Variants in TMPRSS15 observed in about 807,000 individuals in gnomAD.
The protein encoded by TMPRSS15 is enteropeptidase.
TMPRSS15 carries 128 observed loss-of-function variants against 125.3 expected under a neutral mutation model. That is an observed-to-expected ratio of 1.02 (90% CI 0.89 to 1.18). The LOEUF (loss-of-function observed/expected upper bound fraction) is 1.18. TMPRSS15 is among the 50% of genes most tolerant of loss of function. The pLI is 0.00. For missense variants in TMPRSS15, 1,283 were observed against 1,212.7 expected (o/e 1.06, Z -0.86); for synonymous variants, 446 against 423.2 (o/e 1.05, Z -0.66).
intron 16 of TMPRSS15, among the ~76,000 whole-genome samples, chr21:18,323,745 GA>G: frequency 6.6e-6 from 1 of 151,982 alleles, no homozygotes; most frequent in Non-Finnish European, 1.5e-5. Context: ...CAGAATTCTT[GA>G]AAAAAATTTA....
chr21:18,444,051 G>T (rs968875074), intron 1 of TMPRSS15, among the ~76,000 whole-genome samples: 4 of 152,194 alleles, frequency 2.6e-5, no homozygotes, highest in African/African-American at 9.6e-5. Flanking sequence ...CATCCGGATG[G>T]CAGGGTGGGT....
intron 1 of TMPRSS15, among the ~76,000 whole-genome samples, chr21:18,447,502 A>G (rs911988690): frequency 2.0e-5 from 3 of 151,970 alleles, no homozygotes; most frequent in Non-Finnish European, 4.4e-5. Flanking sequence ...GGTCAACATA[A>G]CTAAATGATA....
chr21:18,417,232 CCAT>C (rs2076182530), intron 1 of TMPRSS15, among the ~76,000 whole-genome samples: 1 of 151,962 alleles, frequency 6.6e-6, no homozygotes. Flanking sequence ...ATAAAAAGAG[CCAT>C]GTTTTTACAA....
chr21:18,410,435 G>C (rs2076163245), intron 1 of TMPRSS15, among the ~76,000 whole-genome samples: 1 of 152,032 alleles, frequency 6.6e-6, no homozygotes, highest in South Asian at 2.1e-4. Context: ...CTGATCCCTA[G>C]GGTTTGCTAG....
chr21:18,401,008 G>A (rs1317550999), intron 1 of TMPRSS15, among the ~76,000 whole-genome samples: 1 of 152,118 alleles, frequency 6.6e-6, no homozygotes, highest in Non-Finnish European at 1.5e-5. Flanking sequence ...CCAGAGAAAT[G>A]TAAATCAAAA....
intron 3 of TMPRSS15, among the ~76,000 whole-genome samples, chr21:18,396,342 C>T (rs2076035548): frequency 6.6e-6 from 1 of 152,118 alleles, no homozygotes; most frequent in African/African-American, 2.4e-5. Context: ...AACAACAAAA[C>T]TCCATTCAAA....
At chr21:18,463,623 C>G (rs1376676453) in intron 1 of TMPRSS15, among the ~76,000 whole-genome samples, 1 of 152,100 alleles carries the variant, frequency 6.6e-6, no homozygotes, top group Non-Finnish European at 1.5e-5. Flanking sequence ...CAGAACTCTC[C>G]ACCCCAAATC....
chr21:18,332,408 A>G (rs573569688), intron 13 of TMPRSS15, among the ~76,000 whole-genome samples: 1 of 152,122 alleles, frequency 6.6e-6, no homozygotes, highest in African/African-American at 2.4e-5. Context: ...TGTTGGCCGC[A>G]TGTATGTCAC....
rs367789736 is a variant in TMPRSS15, at chr21:18,467,473, A to C, written c.10+18326T>G. Among the ~76,000 whole-genome samples the C allele has an allele frequency of 7.6e-4, 115 of 152,172 alleles. No homozygotes were observed. In the South Asian group the frequency reaches 0.023, roughly 31 times the overall value. ...ATGGAGCTATAATTTGAGGACAAGA[A>C]TGCATTCTTTTGAGTAATAAGTCTT... On this transcript the variant is annotated intron_variant, in intron 1 of 7. Transcript: ENST00000422787.
rs1169917014 is a variant in TMPRSS15, at chr21:18,359,857, G to A, written c.780C>T (p.Asn260=). Reference sequence around the variant, plus strand: ...AGCTCAGTTTAATGGAAAGTCCTTGGTTTACACTAAATTAAAAGCAAAAAA... The same window carrying A: ...AGCTCAGTTTAATGGAAAGTCCTTGATTTACACTAAATTAAAAGCAAAAAA... ...SVVCQWIIRV[N]QGLSIKLSFD... The change falls in exon 8 of 25, where the codon AAC becomes AAT. Residue 260 remains asparagine (N), a synonymous_variant. Coordinates refer to ENST00000284885, the MANE Select transcript of TMPRSS15 (RefSeq NM_002772.3). 1.4e-6 allele frequency: 2 copies of A among 1,471,446 alleles called. No homozygotes were observed. Among genetic ancestry groups the A allele is most frequent in the Middle Eastern group, 1.7e-4 (1 of 5,738 alleles). The allele number at this position is 1,471,446 out of a possible 1,614,324, so 91.1% of individuals were successfully genotyped here. A position where few individuals can be genotyped will look rare whatever the true frequency, so the allele number is the denominator to read the frequency against.
chr21:18,468,297 C>A (rs1978706939), intron 1 of TMPRSS15, among the ~76,000 whole-genome samples: 1 of 152,158 alleles, frequency 6.6e-6, no homozygotes, highest in African/African-American at 2.4e-5. Flanking sequence ...TGTTCTCCCA[C>A]TACAGCATCA....
At chr21:18,410,632 A>AT (rs1333822234) in intron 1 of TMPRSS15, among the ~76,000 whole-genome samples, 1 of 150,010 alleles carries the variant, frequency 6.7e-6, no homozygotes, top group East Asian at 1.9e-4. Context: ...ATTCCCTACT[A>AT]TTTTTGTTAT....
intron 7 of TMPRSS15, among the ~76,000 whole-genome samples, chr21:18,362,056 A>C (rs2075683845): frequency 6.6e-6 from 1 of 152,104 alleles, no homozygotes; most frequent in South Asian, 2.1e-4. Flanking sequence ...AGGAGATGCT[A>C]CACTCATGGC....
rs956554780 is a variant in TMPRSS15 at position 18,396,216 on chromosome 21, C to T, written c.344+1663G>A. Among the ~76,000 whole-genome samples the T allele has an allele frequency of 2.6e-5, 4 of 152,158 alleles. No homozygotes were observed. In the South Asian group the frequency reaches 8.3e-4, roughly 32 times the overall value. On this transcript the variant is annotated intron_variant, in intron 3 of 24. Transcript: ENST00000284885. ...AGAGAAGTTTCCTTTTCCATTGCAT[C>T]TTGAGCCCACCCATCTATGGTGAAA...
At chr21:18,280,789 G>T (rs767030982) in intron 22 of TMPRSS15, among the ~76,000 whole-genome samples, 1 of 151,970 alleles carries the variant, frequency 6.6e-6, no homozygotes, top group Non-Finnish European at 1.5e-5. Context: ...CTTCTCCTTT[G>T]AGTTTACTGT....
chr21:18,332,440 C>T (rs914165740), intron 13 of TMPRSS15, among the ~76,000 whole-genome samples: 1 of 152,064 alleles, frequency 6.6e-6, no homozygotes, highest in African/African-American at 2.4e-5. Flanking sequence ...TGTTCATGTC[C>T]TTTGCCCACT....
chr21:18,302,310 C>A (rs145871628), intron 18 of TMPRSS15, among the ~76,000 whole-genome samples: 7 of 152,170 alleles, frequency 4.6e-5, no homozygotes, highest in Non-Finnish European at 1.0e-4. Context: ...TTTAGCAGGA[C>A]AGAAGGCAGG....
At chr21:18,476,905 CTT>C (rs199599102) in intron 1 of TMPRSS15, among the ~76,000 whole-genome samples, 7 of 144,056 alleles carry the variant, frequency 4.9e-5, no homozygotes, top group Non-Finnish European at 1.1e-4. Flanking sequence ...TTCTCTCTCT[CTT>C]TTTTTTTTTA....
At chr21:18,281,325 G>A (rs912864982) in intron 21 of TMPRSS15, 104 bp from the exon 22 acceptor site, 2 of 989,454 alleles carry the variant, frequency 2.0e-6, no homozygotes, top group African/African-American at 3.2e-5. Context: ...ATCCTGAAAT[G>A]TTCTTTAATT....
Sources: gnomAD v4.1 joint callset for allele counts (sites outside exome capture counted in the v4.1 genomes callset) on GRCh38, gnomAD v4.1.1 for gene constraint, MANE v1.5 for transcripts, NCBI Gene and HGNC (gene_info 2026-07-23, HGNC 2026-07-21) for gene names.